SCLT1: variants seen among roughly 807,000 people sequenced by gnomAD.
SCLT1 encodes sodium channel and clathrin linker 1.
A neutral mutation model predicts 112.8 loss-of-function variants in SCLT1; 78 were observed. The observed-to-expected ratio is 0.69, with a 90% confidence interval of 0.58 to 0.83. The LOEUF is 0.83. Ranked by LOEUF, SCLT1 falls within the 40% of genes least tolerant of loss-of-function variation. The pLI, the probability that SCLT1 is intolerant of heterozygous loss-of-function variation, is 0.00. For missense variants in SCLT1, 747 were observed against 770.4 expected, an observed-to-expected ratio of 0.97 and a Z score of 0.36; for synonymous variants, 257 against 254.7, an observed-to-expected ratio of 1.01 and a Z score of -0.09.
intron 4 of SCLT1, among the ~76,000 whole-genome samples, chr4:128,875,761 TTAAC>T (rs1215168808): frequency 2.6e-5 from 4 of 152,216 alleles, no homozygotes; most frequent in Admixed American, 2.0e-4. Flanking sequence ...TTACAATATT[TTAAC>T]TAATGAGCTT....
intron 8 of SCLT1, among the ~76,000 whole-genome samples, chr4:128,993,273 G>C (rs985837278): frequency 6.6e-6 from 1 of 151,956 alleles, no homozygotes; most frequent in African/African-American, 2.4e-5. Flanking sequence ...AAATATTAAA[G>C]TGTAGGTATT....
At chr4:128,973,057 TCTTTTTTC>T (rs1740829085) in intron 9 of SCLT1, among the ~76,000 whole-genome samples, 1 of 150,664 alleles carries the variant, frequency 6.6e-6, no homozygotes, top group African/African-American at 2.4e-5. Context: ...CATCCTTGTT[TCTTTTTTC>T]ACATGTTTGG....
In SCLT1 at chr4:128,873,288, AAAAG is replaced by A. The variant is rs377642384; in HGVS notation, n.408-49_408-46del. On this transcript the variant is annotated intron_variant and non_coding_transcript_variant, in intron 5 of 7. Coordinates refer to the SCLT1 transcript ENST00000503565. ...AAAAAAAAAAGAAAAAAAGAAAAAA[AAAAG>A]AAAAAAGAAAAAAAGAGAAAAAAGC... 6.0e-3 allele frequency: 894 copies of A among 149,322 alleles called. 9 individuals carry two copies. The highest frequency in any genetic ancestry group is 0.021 in the African/African-American group (816 of 38,960). The allele number at this position is 149,322 out of a possible 1,614,324, so 9.2% of individuals were successfully genotyped here.
chr4:128,982,608 TCTC>T (rs1302804281), intron 9 of SCLT1, among the ~76,000 whole-genome samples: 1 of 151,822 alleles, frequency 6.6e-6, no homozygotes, highest in African/African-American at 2.4e-5. Flanking sequence ...TTCAAGCAAT[TCTC>T]CTGTCTCAGT....
chr4:129,081,414 C>T (rs141294844), intron 2 of SCLT1, among the ~76,000 whole-genome samples: 7 of 152,184 alleles, frequency 4.6e-5, no homozygotes, highest in South Asian at 2.1e-4. Flanking sequence ...CCGCTGGACT[C>T]GGGGTACCTG....
intron 5 of SCLT1, among the ~76,000 whole-genome samples, chr4:129,026,913 C>G (rs1220686031): frequency 6.6e-6 from 1 of 152,138 alleles, no homozygotes; most frequent in Non-Finnish European, 1.5e-5. Context: ...TCAGAGAATA[C>G]TACAAACACC....
At chr4:128,901,112 G>A (rs1734254022) in intron 18 of SCLT1, among the ~76,000 whole-genome samples, 1 of 152,160 alleles carries the variant, frequency 6.6e-6, no homozygotes, top group Non-Finnish European at 1.5e-5. Flanking sequence ...AGTCAGTGAG[G>A]CAATTCCTCA....
At chr4:129,055,607 G>T (rs767790571) in intron 2 of SCLT1, among the ~76,000 whole-genome samples, 1 of 152,070 alleles carries the variant, frequency 6.6e-6, no homozygotes, top group Non-Finnish European at 1.5e-5. Context: ...CTCAGTAATG[G>T]TGGATGCCCC....
intron 18 of SCLT1, among the ~76,000 whole-genome samples, chr4:128,907,556 T>C (rs1734782726): frequency 6.6e-6 from 1 of 152,134 alleles, no homozygotes; most frequent in African/African-American, 2.4e-5. Context: ...AATAAAAACT[T>C]CAGCTAGGGG....
intron 2 of SCLT1, among the ~76,000 whole-genome samples, chr4:129,075,865 C>T (rs1339824874): frequency 6.6e-6 from 1 of 152,118 alleles, no homozygotes; most frequent in Non-Finnish European, 1.5e-5. Flanking sequence ...ATATAATTTT[C>T]AAATAACTAT....
At chr4:128,948,416 G>T in intron 15 of SCLT1, 80 bp downstream of exon 15, 2 of 1,466,746 alleles carry the variant, frequency 1.4e-6, no homozygotes, top group Non-Finnish European at 1.8e-6. Context: ...ATTGCTAGTA[G>T]ATGGCATGAT....
chr4:128,900,429 G>A (rs1000176606), intron 18 of SCLT1, among the ~76,000 whole-genome samples: 25 of 152,146 alleles, frequency 1.6e-4, no homozygotes, highest in African/African-American at 5.8e-4. Flanking sequence ...AATGGGGAAA[G>A]GATTCCCTAT....
At chr4:129,039,117 G>C (rs200286735) in intron 4 of SCLT1, 21 bp from the exon 5 acceptor site, 2 of 1,559,590 alleles carry the variant, frequency 1.3e-6, no homozygotes, top group Non-Finnish European at 1.8e-6. Flanking sequence ...AAAATATGGT[G>C]TGGCAATACA....
chr4:128,964,880 T>C (rs1177558322), intron 11 of SCLT1, among the ~76,000 whole-genome samples: 1 of 152,220 alleles, frequency 6.6e-6, no homozygotes, highest in African/African-American at 2.4e-5. Flanking sequence ...CTTTGTGCTC[T>C]GCAGTACTGA....
At chr4:129,063,456 T>A (rs533257058) in intron 2 of SCLT1, among the ~76,000 whole-genome samples, 1 of 152,234 alleles carries the variant, frequency 6.6e-6, no homozygotes, top group Non-Finnish European at 1.5e-5. Context: ...GTTTTTTTTG[T>A]GGGGGTAGTG....
rs189585850 is a variant in SCLT1, at chr4:129,017,253, T to C, written c.291-13377A>G. Among the ~76,000 whole-genome samples the C allele has an allele frequency of 2.9e-3, 448 of 152,284 alleles. 1 individual carries two copies. The highest frequency in any genetic ancestry group is 4.7e-3 in the Non-Finnish European group (319 of 68,004). ...GAGGGTTTTCAGTGCATATCTATGT[T>C]TGTGAGTTTTTCATGGGTCTTTGAA... On this transcript the variant is annotated intron_variant, in intron 5 of 20. Transcript: ENST00000281142.
rs932113316 is a variant in SCLT1 at position 128,971,838 on chromosome 4, T to C, written c.687-1370A>G. The C allele has an allele frequency of 2.6e-5, 4 of 152,068 alleles. No individual in the cohort carries two copies. In the East Asian group the frequency reaches 5.8e-4, roughly 22 times the overall value. The allele number at this position is 152,068 out of a possible 1,614,324, so 9.4% of individuals were successfully genotyped here. The stretch of plus-strand genomic sequence containing the variant: ...GAGATTGAGCCCATCCTGACCAACA[T>C]AGTGAAGCCCCATCTCTACTAAAAA... On this transcript the variant is annotated intron_variant, in intron 9 of 20. Coordinates refer to ENST00000281142, the MANE Select transcript of SCLT1 (RefSeq NM_144643.4).
At chr4:128,983,309 T>C (rs556404344) in intron 9 of SCLT1, among the ~76,000 whole-genome samples, 55 of 152,308 alleles carry the variant, frequency 3.6e-4, no homozygotes, top group Non-Finnish European at 7.3e-5. Context: ...TCTGAGCACA[T>C]GAGAGTTGGA....
intron 8 of SCLT1, chr4:128,997,120 C>T (rs145126409): frequency 7.9e-5 from 12 of 151,826 alleles, no homozygotes; most frequent in African/African-American, 2.9e-4. Context: ...CAAATGTTAA[C>T]AGAATAGGTA....
Sources: allele counts gnomAD v4.1 joint callset (sites outside exome capture counted in the v4.1 genomes callset), GRCh38; gene constraint gnomAD v4.1.1; transcripts MANE v1.5; gene names NCBI Gene and HGNC (gene_info 2026-07-23, HGNC 2026-07-21).